ELMO1: variants seen among roughly 807,000 people sequenced by gnomAD.
ELMO1 encodes the protein engulfment and cell motility protein 1.
A neutral mutation model predicts 98.9 loss-of-function variants in ELMO1; 26 were observed. That is an observed-to-expected ratio of 0.26 (90% CI 0.19 to 0.36). ELMO1 has a LOEUF of 0.36. Among genes scored for constraint, ELMO1 ranks in the 10% least tolerant of loss-of-function variants. The pLI is 1.00. For missense variants in ELMO1, 627 were observed against 935.2 expected (o/e 0.67, Z 4.30); for synonymous variants, 346 against 346.0 (o/e 1.00, Z 0.00).
At chr7:37,276,864 C>CT (rs762196970) in intron 4 of ELMO1, among the ~76,000 whole-genome samples, 2 of 152,188 alleles carry the variant, frequency 1.3e-5, no homozygotes, top group East Asian at 1.9e-4. Flanking sequence ...CTCTCACCCA[C>CT]TTTTTTTATC....
At chr7:37,059,924 T>C (rs1462807998) in intron 15 of ELMO1, among the ~76,000 whole-genome samples, 2 of 152,220 alleles carry the variant, frequency 1.3e-5, no homozygotes, top group Non-Finnish European at 2.9e-5. Context: ...TTGGCGTTTA[T>C]TTCTGACAAT....
intron 15 of ELMO1, among the ~76,000 whole-genome samples, chr7:37,034,717 T>C (rs758713727): frequency 2.6e-5 from 4 of 152,198 alleles, no homozygotes; most frequent in Non-Finnish European, 5.9e-5. Flanking sequence ...TGGGGGCAAG[T>C]AGACTGTTTC....
chr7:37,159,806 C>G (rs568288206), intron 13 of ELMO1, among the ~76,000 whole-genome samples: 56 of 152,290 alleles, frequency 3.7e-4, no homozygotes, highest in African/African-American at 1.3e-3. Flanking sequence ...ACAACTACAC[C>G]TGTAATGTGC....
At chr7:37,327,318 GTATT>G (rs1799870816) in intron 2 of ELMO1, among the ~76,000 whole-genome samples, 1 of 152,200 alleles carries the variant, frequency 6.6e-6, no homozygotes, top group South Asian at 2.1e-4. Context: ...AAAATTAACT[GTATT>G]TATGTGCATA....
intron 13 of ELMO1, among the ~76,000 whole-genome samples, chr7:37,157,054 C>A (rs1464651065): frequency 2.0e-5 from 3 of 152,138 alleles, no homozygotes; most frequent in Non-Finnish European, 4.4e-5. Context: ...TAAACAGAAC[C>A]AATGACAAAA....
At chr7:37,209,957 A>G (rs1260036879) in intron 13 of ELMO1, among the ~76,000 whole-genome samples, 1 of 152,392 alleles carries the variant, frequency 6.6e-6, no homozygotes, top group Non-Finnish European at 1.5e-5. Context: ...CAAGCTGCAA[A>G]GCTGAATATG....
At chr7:37,301,820 C>T (rs1798366108) in intron 4 of ELMO1, among the ~76,000 whole-genome samples, 2 of 152,120 alleles carry the variant, frequency 1.3e-5, no homozygotes, top group South Asian at 2.1e-4. Context: ...TGTTCCCCCA[C>T]CCCACGTTTA....
At chr7:37,302,081 A>C (rs768161684) in intron 4 of ELMO1, among the ~76,000 whole-genome samples, 6 of 152,198 alleles carry the variant, frequency 3.9e-5, no homozygotes, top group Non-Finnish European at 8.8e-5. Flanking sequence ...TGGGTGGTTT[A>C]ATTAAAAAGC....
At chr7:37,119,584 A>G (rs987054274) in intron 14 of ELMO1, among the ~76,000 whole-genome samples, 1 of 152,232 alleles carries the variant, frequency 6.6e-6, no homozygotes, top group Admixed American at 6.5e-5. Flanking sequence ...TAAACTAAAC[A>G]TACTTTAAAT....
intron 1 of ELMO1, among the ~76,000 whole-genome samples, chr7:37,427,684 C>T (rs1804764358): frequency 6.6e-6 from 1 of 152,202 alleles, no homozygotes; most frequent in South Asian, 2.1e-4. Flanking sequence ...CAATTATTCC[C>T]AAGCCCTTTT....
intron 15 of ELMO1, among the ~76,000 whole-genome samples, chr7:37,085,790 T>C (rs548975643): frequency 1.3e-5 from 2 of 152,338 alleles, no homozygotes; most frequent in African/African-American, 2.4e-5. Context: ...GACGTGATGA[T>C]GTCATCCTGC....
At chr7:37,080,935 T>C (rs961468562) in intron 15 of ELMO1, among the ~76,000 whole-genome samples, 1 of 152,190 alleles carries the variant, frequency 6.6e-6, no homozygotes, top group South Asian at 2.1e-4. Context: ...TCATTCATAA[T>C]TGTGATCAAT....
intron 1 of ELMO1, among the ~76,000 whole-genome samples, chr7:37,408,245 G>A (rs1325721131): frequency 6.6e-6 from 1 of 152,142 alleles, no homozygotes; most frequent in Non-Finnish European, 1.5e-5. Flanking sequence ...ATCACAACCG[G>A]TTACACAATA....
At chr7:37,185,744 T>G (rs1791163580) in intron 13 of ELMO1, among the ~76,000 whole-genome samples, 1 of 152,184 alleles carries the variant, frequency 6.6e-6, no homozygotes, top group Non-Finnish European at 1.5e-5. Context: ...GGAATAAATT[T>G]AAAAGATAAA....
intron 11 of ELMO1, among the ~76,000 whole-genome samples, chr7:37,216,225 T>A (rs1054298): frequency 0.28 from 42,332 of 151,392 alleles, 6,554 homozygotes; most frequent in African/African-American, 0.41. Context: ...CTCTCTTGCA[T>A]GCGGGCCCCC....
chr7:36,874,359 A>G (rs2129042627), intron 19 of ELMO1, among the ~76,000 whole-genome samples: 1 of 152,358 alleles, frequency 6.6e-6, no homozygotes, highest in East Asian at 1.9e-4. Flanking sequence ...ACTTTGAATA[A>G]GTTACTTAAT....
At chr7:37,440,341 C>T (rs932900912) in intron 1 of ELMO1, among the ~76,000 whole-genome samples, 4 of 151,694 alleles carry the variant, frequency 2.6e-5, no homozygotes, top group Middle Eastern at 3.4e-3. Flanking sequence ...ACTGGGGAGG[C>T]TGAGGCAGAA....
At chr7:37,394,749 G>A (rs112475798) in intron 1 of ELMO1, among the ~76,000 whole-genome samples, 6 of 152,236 alleles carry the variant, frequency 3.9e-5, no homozygotes, top group African/African-American at 1.4e-4. Flanking sequence ...GGGCCTGGGG[G>A]GCTTCTGGGT....
chr7:37,235,339 T>A lies in ELMO1; in HGVS notation c.450-2145A>T, dbSNP rs75557030. On this transcript the variant is annotated intron_variant, in intron 7 of 21. Transcript: ENST00000310758. ...GATTTATTAATAGACTGGGTAGGCA[T>A]TAGTATTACTGTGAAAACATCATTA... Among the ~76,000 whole-genome samples the A allele has an allele frequency of 2.5e-3, 375 of 152,282 alleles. 2 individuals carry two copies. Among genetic ancestry groups the A allele is most frequent in the African/African-American group, 8.8e-3 (364 of 41,556 alleles).
Sources: gnomAD v4.1 joint callset for allele counts (sites outside exome capture counted in the v4.1 genomes callset) on GRCh38, gnomAD v4.1.1 for gene constraint, MANE v1.5 for transcripts, NCBI Gene and HGNC (gene_info 2026-07-23, HGNC 2026-07-21) for gene names.